The following RABGAP1L variants were observed in gnomAD, a reference collection of about 807,000 sequenced individuals.
RABGAP1L encodes the protein RAB GTPase activating protein 1 like.
RABGAP1L carries 63 observed loss-of-function variants against 137.7 expected under a neutral mutation model. That is an observed-to-expected ratio of 0.46 (90% CI 0.37 to 0.56). The LOEUF is 0.56. Ranked by LOEUF, RABGAP1L falls within the 20% of genes least tolerant of loss-of-function variation. The pLI, the probability that RABGAP1L is intolerant of heterozygous loss-of-function variation, is 0.00. For synonymous variants in RABGAP1L, 431 were observed against 433.7 expected, an observed-to-expected ratio of 0.99 and a Z score of 0.08; for missense variants, 1,095 against 1,244.0, an observed-to-expected ratio of 0.88 and a Z score of 1.80.
intron 13 of RABGAP1L, among the ~76,000 whole-genome samples, chr1:174,544,150 A>G (rs1339697198): frequency 6.6e-6 from 1 of 152,136 alleles, no homozygotes; most frequent in Non-Finnish European, 1.5e-5. Context: ...CTGCCTTGCT[A>G]GGTTGGGTAA....
At chr1:174,535,968 G>T (rs1180210886) in intron 13 of RABGAP1L, among the ~76,000 whole-genome samples, 1 of 152,046 alleles carries the variant, frequency 6.6e-6, no homozygotes, top group East Asian at 1.9e-4. Context: ...CACATTAGTA[G>T]GCACTTGGTG....
At chr1:174,736,439 A>T (rs1264303886) in intron 17 of RABGAP1L, among the ~76,000 whole-genome samples, 1 of 152,166 alleles carries the variant, frequency 6.6e-6, no homozygotes, top group Non-Finnish European at 1.5e-5. Context: ...TGCAGGGTAC[A>T]GCCCACATGA....
chr1:174,909,217 A>G lies in RABGAP1L; in HGVS notation c.2341-48240A>G, dbSNP rs935019304. Among the ~76,000 whole-genome samples, 7 of 150,876 alleles carry G rather than the reference A, an allele frequency of 4.6e-5. No individual in the cohort carries two copies. In the East Asian group the frequency reaches 7.8e-4, roughly 17 times the overall value. On this transcript the variant is annotated intron_variant, in intron 19 of 25. Coordinates refer to ENST00000681986, the MANE Select transcript of RABGAP1L (RefSeq NM_001366446.1). ...AAAAGTACTAAAAAGGAAATTTTTT[A>G]AAAGGTTTTTTTTTGTTTGTTTTTG... is the stretch of plus-strand genomic sequence containing the variant.
chr1:174,683,568 C>T lies in RABGAP1L; in HGVS notation c.1871C>T (p.Ser624Phe). Residue 624 changes from serine to phenylalanine, a missense_variant, in exon 15 of 26, where the codon TCT becomes TTT. Ser to Phe is a radical substitution (Grantham distance 155). Transcript: ENST00000681986. ...DEDIGYCQGQ[S>F]FLAAVLLLHM... ...GACATTGGGTACTGTCAAGGGCAGT[C>T]TTTTCTTGCTGCTGTATTACTGCTG... 1 of 1,609,122 alleles carries T rather than the reference C, an allele frequency of 6.2e-7. No individual in the cohort carries two copies. The highest frequency in any genetic ancestry group is 8.5e-7 in the Non-Finnish European group (1 of 1,175,546).
intron 13 of RABGAP1L, among the ~76,000 whole-genome samples, chr1:174,628,122 G>A (rs550903384): frequency 6.6e-6 from 1 of 152,088 alleles, no homozygotes; most frequent in African/African-American, 2.4e-5. Context: ...GCAAAGCTGG[G>A]GCCAGAGTGT....
At position 174,448,180 on chromosome 1, in the gene RABGAP1L, G is replaced by A; in HGVS notation, c.1710+54035G>A. ...GCAGTGGCATTGTGAATGTGTCCGAGCGTCACTCCTGCCCACTTGGATTTG... is the reference window on the plus strand; with the variant it reads ...GCAGTGGCATTGTGAATGTGTCCGAACGTCACTCCTGCCCACTTGGATTTG... On this transcript the variant is annotated intron_variant, in intron 13 of 25. Coordinates refer to ENST00000681986, the MANE Select transcript of RABGAP1L (RefSeq NM_001366446.1). The surrounding 1 kb of genome is among the most constrained non-coding windows in gnomAD (Gnocchi z 4.2). 9 of 1,613,728 alleles carry A rather than the reference G, an allele frequency of 5.6e-6. No homozygotes were observed. Among genetic ancestry groups the A allele is most frequent in the Non-Finnish European group, 6.8e-6 (8 of 1,179,670 alleles).
intron 19 of RABGAP1L, among the ~76,000 whole-genome samples, chr1:174,881,758 C>T (rs986078307): frequency 2.6e-5 from 4 of 151,972 alleles, no homozygotes. Flanking sequence ...CCTCAGCCCC[C>T]CAAAGTGCTG....
intron 5 of RABGAP1L, among the ~76,000 whole-genome samples, chr1:174,243,698 G>A (rs1250149234): frequency 6.6e-6 from 1 of 152,118 alleles, no homozygotes; most frequent in Non-Finnish European, 1.5e-5. Context: ...CTCTTTGCCT[G>A]GAGCAGTTCT....
intron 14 of RABGAP1L, among the ~76,000 whole-genome samples, chr1:174,682,139 G>A (rs915160408): frequency 3.5e-4 from 53 of 152,036 alleles, no homozygotes; most frequent in African/African-American, 1.1e-3. Context: ...AAATTAGCTG[G>A]GTGTGGTGGT....
intron 15 of RABGAP1L, among the ~76,000 whole-genome samples, 190 bp downstream of exon 15, chr1:174,683,786 T>C (rs1678260757): frequency 6.6e-6 from 1 of 152,220 alleles, no homozygotes. Context: ...CTCAATGGAA[T>C]TAGTTTTGTT....
intron 13 of RABGAP1L, among the ~76,000 whole-genome samples, chr1:174,542,554 TC>T (rs1310195483): frequency 6.6e-6 from 1 of 152,188 alleles, no homozygotes; most frequent in East Asian, 1.9e-4. Context: ...GCTCCTGGAT[TC>T]ATTGATTTTT....
At chr1:174,693,068 A>G (rs924282868) in intron 15 of RABGAP1L, among the ~76,000 whole-genome samples, 1 of 152,208 alleles carries the variant, frequency 6.6e-6, no homozygotes, top group African/African-American at 2.4e-5. Flanking sequence ...GAATGATTGA[A>G]TATAGGTTCT....
chr1:174,394,488 C>A (rs1647570463), intron 13 of RABGAP1L, among the ~76,000 whole-genome samples: 1 of 151,976 alleles, frequency 6.6e-6, no homozygotes, highest in African/African-American at 2.4e-5. Context: ...TACATAGTTA[C>A]TCTTGTATAA....
chr1:174,191,021 TTAGA>T (rs1186387353), intron 1 of RABGAP1L, among the ~76,000 whole-genome samples: 2 of 152,226 alleles, frequency 1.3e-5, no homozygotes, highest in African/African-American at 4.8e-5. Flanking sequence ...GTTCGCTGTC[TTAGA>T]TAGGTGCGGT....
At chr1:174,824,921 G>A (rs557012403) in intron 19 of RABGAP1L, among the ~76,000 whole-genome samples, 3 of 152,210 alleles carry the variant, frequency 2.0e-5, no homozygotes, top group Admixed American at 2.0e-4. Context: ...TGTTTGTCAA[G>A]CCTTCTGAAG....
chr1:174,213,991 GA>G (rs1175833939), intron 1 of RABGAP1L, among the ~76,000 whole-genome samples: 1 of 152,158 alleles, frequency 6.6e-6, no homozygotes, highest in Non-Finnish European at 1.5e-5. Flanking sequence ...GTCCTAGCTA[GA>G]GCTATCAGAC....
chr1:174,391,631 T>G (rs1362734953), intron 12 of RABGAP1L, among the ~76,000 whole-genome samples: 1 of 152,226 alleles, frequency 6.6e-6, no homozygotes, highest in Non-Finnish European at 1.5e-5. Context: ...TATGAGCCAC[T>G]GTGCCCAGCC....
At chr1:174,312,227 CTTT>C (rs1479291776) in intron 11 of RABGAP1L, among the ~76,000 whole-genome samples, 3 of 152,260 alleles carry the variant, frequency 2.0e-5, no homozygotes, top group Non-Finnish European at 4.4e-5. Flanking sequence ...TACAAGGGTT[CTTT>C]TATCTCTACA....
intron 19 of RABGAP1L, among the ~76,000 whole-genome samples, chr1:174,847,630 A>G (rs1426915035): frequency 1.5e-5 from 2 of 132,458 alleles, no homozygotes; most frequent in African/African-American, 5.7e-5. Flanking sequence ...TTTGAGGGTA[A>G]CCCGACCTTT....
Sources: gnomAD v4.1 joint callset for allele counts (sites outside exome capture counted in the v4.1 genomes callset) on GRCh38, gnomAD v4.1.1 for gene constraint, Gnocchi (gnomAD v3.1) non-coding constraint, MANE v1.5 for transcripts, NCBI Gene and HGNC (gene_info 2026-07-23, HGNC 2026-07-21) for gene names.